DYRK3: variants seen among roughly 807,000 people sequenced by gnomAD.
The protein encoded by DYRK3 is dual specificity tyrosine phosphorylation regulated kinase 3, also known as dual specificity tyrosine-phosphorylation-regulated kinase 3.
A neutral mutation model predicts 40.8 loss-of-function variants in DYRK3; 30 were observed. That is an observed-to-expected ratio of 0.74 (90% CI 0.55 to 1.00). The LOEUF is 1.00. Ranked by LOEUF, DYRK3 falls within the 50% of genes least tolerant of loss-of-function variation. The pLI, the probability that DYRK3 is intolerant of heterozygous loss-of-function variation, is 0.00. For synonymous variants in DYRK3, 272 were observed against 260.7 expected (o/e 1.04, Z -0.42); for missense variants, 699 against 731.5 (o/e 0.96, Z 0.51).
chr1:206,635,547 G>A lies in DYRK3; in HGVS notation c.-157G>A, dbSNP rs200425599. 1.2e-4 allele frequency: 123 copies of A among 985,366 alleles called. 1 individual carries two copies. Among genetic ancestry groups the A allele is most frequent in the Non-Finnish European group, 2.6e-6 (2 of 763,750 alleles). 61.0% of individuals were successfully genotyped at this position (985,366 alleles called of 1,614,324 possible). On this transcript the variant is annotated 5_prime_UTR_variant, in exon 1 of 3. Transcript: ENST00000367109. The stretch of plus-strand genomic sequence containing the variant: ...AGCTGCGTCTCCCCACTTCCCAGCC[G>A]GGGCCAGTCGGGAGCGAAAGTGCGC...
rs557212745 is a variant in DYRK3, at chr1:206,652,972, G to T, written c.*4007G>T. Among the ~76,000 whole-genome samples the T allele has an allele frequency of 3.7e-4, 56 of 152,306 alleles. No individual in the cohort carries two copies. The highest frequency in any genetic ancestry group is 3.4e-3 in the Middle Eastern group (1 of 294). ...ATTTCCAAGTTGTTTCTGACACGGT[G>T]AGAGTTGGGTTAGAATTTTTATTTC... On this transcript the variant is annotated 3_prime_UTR_variant, in exon 3 of 3. Coordinates refer to ENST00000367109, the MANE Select transcript of DYRK3 (RefSeq NM_003582.4).
At chr1:206,646,318 C>T (rs2102340723) in intron 2 of DYRK3, among the ~76,000 whole-genome samples, 1 of 151,898 alleles carries the variant, frequency 6.6e-6, no homozygotes, top group South Asian at 2.1e-4. Context: ...TGTTTTTGTC[C>T]TTCTTTTCCT....
intron 2 of DYRK3, among the ~76,000 whole-genome samples, chr1:206,646,201 G>A (rs2102340586): frequency 6.6e-6 from 1 of 152,258 alleles, no homozygotes; most frequent in East Asian, 1.9e-4. Flanking sequence ...TACACATAGT[G>A]AAATGGTTAC....
chr1:206,636,089 T>C (rs367796375), intron 1 of DYRK3: 58 of 1,492,922 alleles, frequency 3.9e-5, no homozygotes, highest in Non-Finnish European at 4.9e-5. Flanking sequence ...CTAGGACTTT[T>C]TGTGGGGCTT....
chr1:206,642,743 C>T (rs562914371), intron 2 of DYRK3, among the ~76,000 whole-genome samples: 45 of 151,866 alleles, frequency 3.0e-4, no homozygotes, highest in Admixed American at 1.1e-3. Context: ...CACTTGGACA[C>T]GGTGGGGAAC....
At position 206,652,629 on chromosome 1, in the gene DYRK3, G is replaced by A. The variant is rs1671660673; in HGVS notation, c.*3664G>A. On this transcript the variant is annotated 3_prime_UTR_variant, in exon 3 of 3. Coordinates refer to ENST00000367109, the MANE Select transcript of DYRK3 (RefSeq NM_003582.4). The stretch of plus-strand genomic sequence containing the variant: ...CTTCTGCAGGCCAATTCAAGTTTGA[G>A]GAGAGTGGGCTGCTTAAAAACATGG... Among the ~76,000 whole-genome samples, 1 of 152,200 alleles carries A rather than the reference G, an allele frequency of 6.6e-6. No individual in the cohort carries two copies. Among genetic ancestry groups the A allele is most frequent in the Admixed American group, 6.5e-5 (1 of 15,286 alleles).
intron 2 of DYRK3, among the ~76,000 whole-genome samples, chr1:206,638,912 C>T (rs1469159463): frequency 7.5e-6 from 1 of 132,930 alleles, no homozygotes; most frequent in East Asian, 2.5e-4. Flanking sequence ...CGCAGTCTTA[C>T]TCTGTCTTCC....
rs142144188 is a variant in DYRK3 at position 206,653,140 on chromosome 1, C to G, written c.*4175C>G. The stretch of plus-strand genomic sequence containing the variant: ...TCAGGTGATTCTCCCATCTCAACCT[C>G]CAGAGTAACTGGGACTACAGTCACG... On this transcript the variant is annotated 3_prime_UTR_variant, in exon 3 of 3. Coordinates refer to ENST00000367109, the MANE Select transcript of DYRK3 (RefSeq NM_003582.4). 8.5e-5 allele frequency among the ~76,000 whole-genome samples: 13 copies of G among 152,230 alleles called. No individual in the cohort carries two copies. The highest frequency in any genetic ancestry group is 2.9e-4 in the African/African-American group (12 of 41,524).
chr1:206,640,378 C>A (rs548464852), intron 2 of DYRK3, among the ~76,000 whole-genome samples: 4 of 152,178 alleles, frequency 2.6e-5, no homozygotes, highest in African/African-American at 9.6e-5. Context: ...TTCATTTATT[C>A]AAGATGCTCC....
rs781791751 is a variant in DYRK3, at chr1:206,648,017, C to T, written c.819C>T (p.His273=). ...QDKTGSMNVI[H]MLESFTFRNH... ...AAACTGGTAGTATGAACGTTATCCA[C>T]ATGCTGGAAAGTTTCACATTCCGGA... Residue 273 remains histidine, a synonymous_variant, in exon 3 of 3, where the codon CAC becomes CAT. Coordinates refer to ENST00000367109, the MANE Select transcript of DYRK3 (RefSeq NM_003582.4). 7 of 1,614,184 alleles carry T rather than the reference C, an allele frequency of 4.3e-6. No homozygotes were observed. Among genetic ancestry groups the T allele is most frequent in the Non-Finnish European group, 5.9e-6 (7 of 1,180,026 alleles).
At position 206,648,646 on chromosome 1, in the gene DYRK3, G is replaced by A; in HGVS notation, c.1448G>A (p.Trp483Ter). The A allele has an allele frequency of 6.2e-7, 1 of 1,613,854 alleles. No individual in the cohort carries two copies. Among genetic ancestry groups the A allele is most frequent in the Non-Finnish European group, 8.5e-7 (1 of 1,179,830 alleles). The change falls in exon 3 of 3, where the codon TGG becomes TAG. Residue 483 changes from tryptophan (W) to a stop codon, truncating the protein, a stop_gained. Transcript: ENST00000367109. LOFTEE classifies it high-confidence loss of function. ...KKRGPPGSKD[W>*]GTALKGCDDY... ...CGGGGTCCCCCAGGCAGCAAAGACT[G>A]GGGGACAGCACTGAAAGGGTGTGAT...
rs1454646058 is a variant in DYRK3, at chr1:206,652,220, G to T, written c.*3255G>T. Among the ~76,000 whole-genome samples, 1 of 152,226 alleles carries T rather than the reference G, an allele frequency of 6.6e-6. No individual in the cohort carries two copies. The highest frequency in any genetic ancestry group is 1.5e-5 in the Non-Finnish European group (1 of 68,044). ...AAGGATCTCCTGCATTATCTAGGCA[G>T]AGCATATGTTGAGGTTGTTTTGCCA... On this transcript the variant is annotated 3_prime_UTR_variant, in exon 3 of 3. Transcript: ENST00000367109.
chr1:206,643,270 A>G (rs1460640190), intron 2 of DYRK3, among the ~76,000 whole-genome samples: 1 of 152,170 alleles, frequency 6.6e-6, no homozygotes, highest in African/African-American at 2.4e-5. Flanking sequence ...GGTACAACTT[A>G]TTTTGCAAGG....
rs1327187654 is a variant in DYRK3 at position 206,649,670 on chromosome 1, T to C, written c.*705T>C. Among the ~76,000 whole-genome samples the C allele has an allele frequency of 6.6e-6, 1 of 152,252 alleles. No individual in the cohort carries two copies. Among genetic ancestry groups the C allele is most frequent in the Admixed American group, 6.5e-5 (1 of 15,280 alleles). On this transcript the variant is annotated 3_prime_UTR_variant, in exon 3 of 3. Coordinates refer to ENST00000367109, the MANE Select transcript of DYRK3 (RefSeq NM_003582.4). ...GTACTGATTTAAAAACTGAGTCATATGCATCCCTCCTCCTTTCCTCTCCCA... is the reference window on the plus strand; with the variant it reads ...GTACTGATTTAAAAACTGAGTCATACGCATCCCTCCTCCTTTCCTCTCCCA...
rs199821211 is a variant in DYRK3, at chr1:206,648,564, A to G, written c.1366A>G (p.Thr456Ala). ...KGIPRYCSVT[T>A]QADGRVVLVG... ...CATACCCCGCTACTGCTCTGTGACTACCCAGGCAGATGGGAGGGTTGTGCT... is the reference window on the plus strand; with the variant it reads ...CATACCCCGCTACTGCTCTGTGACTGCCCAGGCAGATGGGAGGGTTGTGCT... The change falls in exon 3 of 3, where the codon ACC (threonine) becomes GCC (alanine). Residue 456 changes from threonine (T) to alanine (A), a missense_variant. By Grantham distance (58) the Thr-to-Ala change is moderately conservative (BLOSUM62 0). Transcript: ENST00000367109. 1.2e-6 allele frequency: 2 copies of G among 1,614,072 alleles called. No individual in the cohort carries two copies. The highest frequency in any genetic ancestry group is 1.3e-5 in the African/African-American group (1 of 75,002).
chr1:206,640,819 G>A (rs1671268586), intron 2 of DYRK3, among the ~76,000 whole-genome samples: 1 of 152,112 alleles, frequency 6.6e-6, no homozygotes, highest in South Asian at 2.1e-4. Context: ...CAAAGTGCTG[G>A]GATTACAGGC....
At position 206,653,200 on chromosome 1, in the gene DYRK3, TAG is replaced by T. The variant is rs1671676374; in HGVS notation, c.*4240_*4241del. The stretch of plus-strand genomic sequence containing the variant: ...GCCTGGCTAATTTTTTGTATATCTG[TAG>T]AGAGGGGGTTTCACCATGTTGCTCG... On this transcript the variant is annotated 3_prime_UTR_variant, in exon 3 of 3. Transcript: ENST00000367109. Among the ~76,000 whole-genome samples, 1 of 152,064 alleles carries T rather than the reference TAG, an allele frequency of 6.6e-6. No individual in the cohort carries two copies. The highest frequency in any genetic ancestry group is 2.4e-5 in the African/African-American group (1 of 41,380).
rs1553420729 is a variant in DYRK3, at chr1:206,648,451, T to C, written c.1253T>C (p.Leu418Ser). ...LFPGEDEGDQ[L>S]ACMMELLGMP... ...CCTGGAGAGGATGAAGGAGACCAGT[T>C]GGCCTGCATGATGGAGCTTCTAGGG... Residue 418 changes from leucine (L) to serine (S), a missense_variant, in exon 3 of 3, where the codon TTG becomes TCG. Coordinates refer to ENST00000367109, the MANE Select transcript of DYRK3 (RefSeq NM_003582.4). The C allele has an allele frequency of 6.2e-7, 1 of 1,614,168 alleles. No individual in the cohort carries two copies. Among genetic ancestry groups the C allele is most frequent in the Admixed American group, 1.7e-5 (1 of 60,028 alleles).
chr1:206,645,339 TGAAATTATCAAACA>T (rs1174831584), intron 2 of DYRK3, among the ~76,000 whole-genome samples: 46 of 152,198 alleles, frequency 3.0e-4, no homozygotes, highest in Non-Finnish European at 6.2e-4. Flanking sequence ...ACAGGCTCTC[TGAAATTATCAAACA>T]GATAAAGGAC....
Sources: allele counts gnomAD v4.1 joint callset (sites outside exome capture counted in the v4.1 genomes callset), GRCh38; gene constraint gnomAD v4.1.1; transcripts MANE v1.5; gene names NCBI Gene and HGNC (gene_info 2026-07-23, HGNC 2026-07-21).